The following IGF2BP1 variants were observed in gnomAD, a reference collection of about 807,000 sequenced individuals.
IGF2BP1 encodes the protein insulin-like growth factor 2 mRNA-binding protein 1.
In IGF2BP1, 11 loss-of-function variants were observed where a neutral mutation model predicts 74.9. The ratio of observed to expected loss-of-function variants is 0.15; its 90% CI spans 0.09 to 0.24. The LOEUF is 0.24. Among genes scored for constraint, IGF2BP1 ranks in the 10% least tolerant of loss-of-function variants. IGF2BP1 has a pLI of 1.00. For missense variants in IGF2BP1, 440 were observed against 757.4 expected (o/e 0.58, Z 4.92); for synonymous variants, 287 against 281.8 (o/e 1.02, Z -0.18).
At chr17:49,014,817 G>A in intron 2 of IGF2BP1, 3 of 985,392 alleles carry the variant, frequency 3.0e-6, no homozygotes, top group South Asian at 4.7e-5. Context: ...GATGTCTGCC[G>A]GGTCCTTCTC....
At chr17:49,019,500 CAT>C (rs1243993894) in intron 2 of IGF2BP1, among the ~76,000 whole-genome samples, 1 of 152,036 alleles carries the variant, frequency 6.6e-6, no homozygotes, top group African/African-American at 2.4e-5. Flanking sequence ...GAAATATAAA[CAT>C]AAAAGTAGAA....
At chr17:49,032,494 C>G (rs1232949484) in intron 5 of IGF2BP1, among the ~76,000 whole-genome samples, 1 of 152,142 alleles carries the variant, frequency 6.6e-6, no homozygotes, top group African/African-American at 2.4e-5. Context: ...TAGCTCCTAG[C>G]CCTTTGATTG....
At chr17:49,037,120 C>T (rs16945851) in intron 5 of IGF2BP1, 16,420 of 383,982 alleles carry the variant, frequency 0.043, 489 homozygotes, top group East Asian at 0.12. Context: ...AATGGGAAGA[C>T]GCTGCAAGTT....
intron 6 of IGF2BP1, 44 bp downstream of exon 6, chr17:49,038,493 C>CAGTG: frequency 7.0e-7 from 1 of 1,423,626 alleles, no homozygotes; most frequent in Non-Finnish European, 9.2e-7. Context: ...TGCTAGGGAA[C>CAGTG]AGTGGTTGGT....
chr17:49,027,895 G>C (rs1187053762), intron 4 of IGF2BP1, among the ~76,000 whole-genome samples: 4 of 147,376 alleles, frequency 2.7e-5, no homozygotes, highest in Non-Finnish European at 5.9e-5. Context: ...TGCCGGCTGG[G>C]CACAATGACT....
intron 2 of IGF2BP1, among the ~76,000 whole-genome samples, chr17:49,014,453 T>G (rs901776992): frequency 2.6e-5 from 4 of 151,504 alleles, no homozygotes; most frequent in African/African-American, 9.7e-5. Flanking sequence ...GCGAGAACCA[T>G]CTTGGAAGGC....
Position 49,041,477 on chromosome 17 carries a change from C to T in IGF2BP1, c.918C>T (p.Thr306=), listed in dbSNP as rs139646507. 647 of 1,613,958 alleles carry T rather than the reference C, an allele frequency of 4.0e-4. No homozygotes were observed. The highest frequency in any genetic ancestry group is 1.3e-3 in the Middle Eastern group (8 of 6,058). Reference sequence around the variant, plus strand: ...ACCTGAAGAAGGTAGAGCAAGATACCGAGACAAAAATCACCATCTCCTCGT... The same window carrying T: ...ACCTGAAGAAGGTAGAGCAAGATACTGAGACAAAAATCACCATCTCCTCGT... ...GRNLKKVEQD[T]ETKITISSLQ... is the part of the protein sequence containing the mutation. The change falls in exon 8 of 15, where the codon ACC becomes ACT. Residue 306 remains threonine (T), a synonymous_variant. Coordinates refer to ENST00000290341, the MANE Select transcript of IGF2BP1 (RefSeq NM_006546.4).
At chr17:49,042,098 C>A in intron 8 of IGF2BP1, 144 bp from the exon 9 acceptor site, 2 of 1,053,038 alleles carry the variant, frequency 1.9e-6, no homozygotes, top group Non-Finnish European at 2.8e-6. Context: ...ACACCAAAGA[C>A]TGGGGTTGCA....
At chr17:49,015,051 C>T in intron 2 of IGF2BP1, 1 of 529,204 alleles carries the variant, frequency 1.9e-6, no homozygotes, top group Non-Finnish European at 2.4e-6. Flanking sequence ...GTCGCCCAGG[C>T]TGGAGTGCAG....
rs1491495832 is a variant in IGF2BP1, at chr17:49,038,874, A to ATCTTTTTTTTT, written c.683+426_683+427insCTTTTTTTTTT. Among the ~76,000 whole-genome samples the ATCTTTTTTTTT allele has an allele frequency of 4.9e-4, 37 of 75,282 alleles. 1 individual carries two copies. The highest frequency in any genetic ancestry group is 1.9e-3 in the African/African-American group (34 of 17,868). 49.4% of individuals were successfully genotyped at this position (75,282 alleles called of 152,430 possible). A position where few individuals can be genotyped will look rare whatever the true frequency, so the allele number is the denominator to read the frequency against. On this transcript the variant is annotated intron_variant, in intron 6 of 14. Transcript: ENST00000290341. The stretch of plus-strand genomic sequence containing the variant: ...CTGCCACTGCCACCTTCTTTCTTTA[A>ATCTTTTTTTTT]TATTTTTTTTTTTTTTTTTTTGAGA...
rs146522350 is a variant in IGF2BP1, at chr17:49,002,901, G to A, written c.236+3732G>A. Among the ~76,000 whole-genome samples, 16 of 152,246 alleles carry A rather than the reference G, an allele frequency of 1.1e-4. No homozygotes were observed. In the East Asian group the frequency reaches 3.1e-3, roughly 29 times the overall value. ...TTAACTGTTCTCATTTGGGTGGTCA[G>A]TATTTCAAGATGAGAGTTTTGTAAG... On this transcript the variant is annotated intron_variant, in intron 2 of 14. Coordinates refer to ENST00000290341, the MANE Select transcript of IGF2BP1 (RefSeq NM_006546.4).
chr17:49,026,812 C>A (rs546308407), intron 4 of IGF2BP1, among the ~76,000 whole-genome samples: 35 of 152,128 alleles, frequency 2.3e-4, no homozygotes, highest in African/African-American at 8.0e-4. Flanking sequence ...GGCGCAATCT[C>A]GGCTCACTGC....
At position 48,997,973 on chromosome 17, in the gene IGF2BP1, G is replaced by C; in HGVS notation, c.175+53G>C. Reference sequence around the variant, plus strand: ...GCCACAACGAGAGCCCCGAACAACGGAGACCCGCACCTTCCGGTTCCTCTC... The same window carrying C: ...GCCACAACGAGAGCCCCGAACAACGCAGACCCGCACCTTCCGGTTCCTCTC... On this transcript the variant is annotated intron_variant, in intron 1 of 14. Transcript: ENST00000290341. The surrounding 1 kb of genome is among the most constrained non-coding windows in gnomAD (Gnocchi z 4.8). 1 of 1,582,750 alleles carries C rather than the reference G, an allele frequency of 6.3e-7. No homozygotes were observed. The highest frequency in any genetic ancestry group is 1.7e-5 in the Admixed American group (1 of 57,894).
intron 5 of IGF2BP1, among the ~76,000 whole-genome samples, chr17:49,035,287 C>CA (rs1447566379): frequency 1.3e-5 from 2 of 152,212 alleles, no homozygotes; most frequent in Non-Finnish European, 2.9e-5. Flanking sequence ...ACACTGAACA[C>CA]ACAAATTAAT....
At chr17:49,047,324 A>G (rs953151810) in intron 14 of IGF2BP1, among the ~76,000 whole-genome samples, 69 of 152,128 alleles carry the variant, frequency 4.5e-4, no homozygotes, top group Middle Eastern at 6.8e-3. Context: ...TTACATCTCA[A>G]CTATATATAT....
intron 7 of IGF2BP1, 22 bp from the exon 8 acceptor site, chr17:49,041,356 C>G: frequency 6.2e-7 from 1 of 1,613,284 alleles, no homozygotes; most frequent in Non-Finnish European, 8.5e-7. Flanking sequence ...TTGTCTTCCA[C>G]TTCTTCCTTT....
At chr17:48,998,015 TC>T in intron 1 of IGF2BP1, 95 bp downstream of exon 1, 2 of 1,431,590 alleles carry the variant, frequency 1.4e-6, no homozygotes, top group South Asian at 2.6e-5. Context: ...ACTCCTCTCT[TC>T]CCGGGCCTGC....
chr17:49,008,328 T>C (rs1230871211), intron 2 of IGF2BP1, among the ~76,000 whole-genome samples: 1 of 152,190 alleles, frequency 6.6e-6, no homozygotes, highest in African/African-American at 2.4e-5. Context: ...AATAATCTTG[T>C]TAAGGGTCTT....
In IGF2BP1 at chr17:49,055,512, C is replaced by T; in HGVS notation, c.*6068C>T. 2.5e-6 allele frequency: 1 copy of T among 395,524 alleles called. No homozygotes were observed. The highest frequency in any genetic ancestry group is 4.5e-6 in the Non-Finnish European group (1 of 224,538). The allele number at this position is 395,524 out of a possible 1,614,324, so 24.5% of individuals were successfully genotyped here. A position where few individuals can be genotyped will look rare whatever the true frequency, so the allele number is the denominator to read the frequency against. On this transcript the variant is annotated 3_prime_UTR_variant, in exon 15 of 15. Transcript: ENST00000290341. ...ATGCTTAAATCTTGACTGGCACTTC[C>T]CGGCTGTGGGGGCTGGGGAGCCACT...
Sources: allele counts gnomAD v4.1 joint callset (sites outside exome capture counted in the v4.1 genomes callset), GRCh38; gene constraint gnomAD v4.1.1; non-coding constraint Gnocchi (gnomAD v3.1); transcripts MANE v1.5; gene names NCBI Gene and HGNC (gene_info 2026-07-23, HGNC 2026-07-21).